MPRIP: variants seen among roughly 807,000 people sequenced by gnomAD.
The protein encoded by MPRIP is myosin phosphatase Rho-interacting protein.
In MPRIP, 59 loss-of-function variants were observed where a neutral mutation model predicts 234.9. The ratio of observed to expected loss-of-function variants is 0.25; its 90% CI spans 0.20 to 0.31. The LOEUF (loss-of-function observed/expected upper bound fraction) is 0.31. MPRIP is among the 10% of genes least tolerant of loss of function. The probability of loss-of-function intolerance (pLI) is 1.00; values close to 1 mark genes in which losing one functional copy is unlikely to be tolerated. For synonymous variants in MPRIP, 1,144 were observed against 1,263.9 expected (o/e 0.91, Z 2.01); for missense variants, 2,436 against 3,071.0 (o/e 0.79, Z 4.89).
chr17:17,047,921 A>ATG lies in MPRIP; in HGVS notation c.123+4952_123+4953dup, dbSNP rs1253926416. Among the ~76,000 whole-genome samples, 4 of 152,096 alleles carry ATG rather than the reference A, an allele frequency of 2.6e-5. No homozygotes were observed. The East Asian group carries it at 7.7e-4, about 29-fold the overall frequency. ...AGAGGAACCAGCCTAGGAAGCCCCC[A>ATG]TGTAGTGGGCAGGCAAAAGGGGAGC... On this transcript the variant is annotated intron_variant, in intron 1 of 23. Coordinates refer to ENST00000651222, the MANE Select transcript of MPRIP (RefSeq NM_001364716.4).
At chr17:17,171,674 G>C in intron 16 of MPRIP, 44 bp from the exon 17 acceptor site, 1 of 1,595,052 alleles carries the variant, frequency 6.3e-7, no homozygotes, top group Non-Finnish European at 8.5e-7. Context: ...CCCCAACTTA[G>C]AGGTAAAGAA....
At chr17:17,108,037 C>T (rs1296380130) in intron 3 of MPRIP, among the ~76,000 whole-genome samples, 2 of 152,230 alleles carry the variant, frequency 1.3e-5, no homozygotes, top group Non-Finnish European at 2.9e-5. Context: ...GAGCAGTTGC[C>T]TGACACAGCC....
chr17:17,052,500 C>A (rs1474603946), intron 1 of MPRIP, among the ~76,000 whole-genome samples: 1 of 152,106 alleles, frequency 6.6e-6, no homozygotes, highest in Non-Finnish European at 1.5e-5. Context: ...TGGAGAGGTT[C>A]AGCAGAGGTT....
chr17:17,131,732 C>T (rs1455304456), intron 5 of MPRIP, 31 bp downstream of exon 5: 1 of 1,593,184 alleles, frequency 6.3e-7, no homozygotes, highest in Non-Finnish European at 8.6e-7. Context: ...ATGGCATCCC[C>T]TCAGTGGAGC....
intron 3 of MPRIP, among the ~76,000 whole-genome samples, chr17:17,091,605 T>C (rs1331352853): frequency 6.6e-6 from 1 of 152,236 alleles, no homozygotes; most frequent in Non-Finnish European, 1.5e-5. Flanking sequence ...GAACCATGGC[T>C]GGACAGCCGA....
In MPRIP at chr17:17,084,614, G is replaced by T. The variant is rs1382112198; in HGVS notation, c.267+6538G>T. Among the ~76,000 whole-genome samples the T allele has an allele frequency of 3.9e-5, 6 of 152,216 alleles. No homozygotes were observed. The South Asian group carries it at 8.3e-4, about 21-fold the overall frequency. ...TGTCTTTCCTTCACCAAGTGATCTT[G>T]TCCTTCACATTCAGAGAGGCCGCTC... On this transcript the variant is annotated intron_variant, in intron 3 of 23. Coordinates refer to ENST00000651222, the MANE Select transcript of MPRIP (RefSeq NM_001364716.4).
At chr17:17,075,896 G>T in intron 2 of MPRIP, 109 bp downstream of exon 2, 2 of 1,076,212 alleles carry the variant, frequency 1.9e-6, no homozygotes, top group Non-Finnish European at 2.8e-6. Flanking sequence ...TGGATCCTGG[G>T]ATAGCAGGAC....
chr17:17,132,660 G>T (rs1210039070), intron 5 of MPRIP, among the ~76,000 whole-genome samples: 1 of 152,218 alleles, frequency 6.6e-6, no homozygotes, highest in African/African-American at 2.4e-5. Context: ...GGATATACCT[G>T]CCCTGGGCTG....
chr17:17,105,452 C>T (rs1369392240), intron 3 of MPRIP, among the ~76,000 whole-genome samples: 2 of 152,180 alleles, frequency 1.3e-5, no homozygotes, highest in African/African-American at 4.8e-5. Flanking sequence ...CCCCCGTGCT[C>T]CTCTTGACTG....
chr17:17,146,294 G>A (rs532475116), intron 10 of MPRIP, among the ~76,000 whole-genome samples: 279 of 152,352 alleles, frequency 1.8e-3, no homozygotes, highest in African/African-American at 6.5e-3. Flanking sequence ...GCAGTGGGGG[G>A]TGCTCTGGAG....
At chr17:17,107,894 G>A (rs2090093407) in intron 3 of MPRIP, among the ~76,000 whole-genome samples, 1 of 152,210 alleles carries the variant, frequency 6.6e-6, no homozygotes, top group Non-Finnish European at 1.5e-5. Flanking sequence ...GCAGGAAGGT[G>A]CATGTGTGAG....
intron 3 of MPRIP, among the ~76,000 whole-genome samples, chr17:17,082,285 ATT>A (rs71355536): frequency 1.8e-3 from 159 of 88,680 alleles, no homozygotes; most frequent in African/African-American, 7.0e-3. Context: ...GCTTTTTCCA[ATT>A]TTTTTTTTTT....
In MPRIP at chr17:17,147,365, A is replaced by G. The variant is rs753390568; in HGVS notation, c.1607A>G (p.Tyr536Cys). The G allele has an allele frequency of 4.3e-6, 7 of 1,614,106 alleles. No homozygotes were observed. Among genetic ancestry groups the G allele is most frequent in the South Asian group, 2.2e-5 (2 of 91,082 alleles). Residue 536 changes from tyrosine to cysteine, a missense_variant, in exon 11 of 24, where the codon TAC becomes TGC. Tyr to Cys is a radical substitution (Grantham distance 194). This residue lies in a region of MPRIP where 1,998 missense variants were observed against 2,520.3 expected (regional missense o/e 0.79). Transcript: ENST00000651222. ...FVLADQSLRY[Y>C]RDSVAEEAAD... ...CTCGCCGATCAAAGCCTGAGATACTACAGGGATTCAGTGGCTGAGGAGGTG... is the reference window on the plus strand; with the variant it reads ...CTCGCCGATCAAAGCCTGAGATACTGCAGGGATTCAGTGGCTGAGGAGGTG...
At chr17:17,072,375 A>C (rs1156339104) in intron 1 of MPRIP, among the ~76,000 whole-genome samples, 2 of 152,040 alleles carry the variant, frequency 1.3e-5, no homozygotes, top group Non-Finnish European at 2.9e-5. Flanking sequence ...CCCTCTGCAC[A>C]CCTGCCTCAG....
chr17:17,110,084 C>T (rs918892971), intron 3 of MPRIP, among the ~76,000 whole-genome samples: 9 of 152,064 alleles, frequency 5.9e-5, no homozygotes, highest in East Asian at 3.9e-4. Flanking sequence ...CTGCCCTGGG[C>T]GGGGCAGCAA....
intron 1 of MPRIP, among the ~76,000 whole-genome samples, chr17:17,055,604 G>C (rs541600636): frequency 1.2e-4 from 18 of 152,300 alleles, no homozygotes; most frequent in Admixed American, 2.0e-4. Flanking sequence ...AACAGGAGGA[G>C]TCTCTTCTTT....
rs1414453199 is a variant in MPRIP at position 17,051,125 on chromosome 17, GC to G, written c.123+8160del. ...TGCTGATGGAATGGGGAGTTCCTGA[GC>G]CCCCCATGTGGTGAGGGATGTTCCA... is the stretch of plus-strand genomic sequence containing the variant. On this transcript the variant is annotated intron_variant, in intron 1 of 23. Transcript: ENST00000651222. 5.3e-5 allele frequency among the ~76,000 whole-genome samples: 8 copies of G among 152,302 alleles called. No individual in the cohort carries two copies. In the East Asian group the frequency reaches 9.6e-4, roughly 18 times the overall value.
At chr17:17,090,466 A>C (rs942607184) in intron 3 of MPRIP, among the ~76,000 whole-genome samples, 1 of 152,102 alleles carries the variant, frequency 6.6e-6, no homozygotes, top group Non-Finnish European at 1.5e-5. Flanking sequence ...CCAGGGTTGC[A>C]CCTGGTGGCT....
intron 3 of MPRIP, among the ~76,000 whole-genome samples, chr17:17,115,245 A>G (rs979739043): frequency 2.6e-5 from 4 of 152,234 alleles, no homozygotes; most frequent in Non-Finnish European, 5.9e-5. Flanking sequence ...GGTGACACCC[A>G]CTGTCACATT....
Sources: allele counts gnomAD v4.1 joint callset (sites outside exome capture counted in the v4.1 genomes callset), GRCh38; gene constraint gnomAD v4.1.1; regional missense constraint gnomAD v4.1.1; transcripts MANE v1.5; gene names NCBI Gene and HGNC (gene_info 2026-07-23, HGNC 2026-07-21).